The following RUSC2 variants were observed in gnomAD, a reference collection of about 807,000 sequenced individuals.
RUSC2 encodes RUN and SH3 domain containing 2.
A neutral mutation model predicts 122.2 loss-of-function variants in RUSC2; 34 were observed. That is an observed-to-expected ratio of 0.28 (90% CI 0.21 to 0.37). The LOEUF (loss-of-function observed/expected upper bound fraction) is 0.37. Ranked by LOEUF, RUSC2 falls within the 10% of genes least tolerant of loss-of-function variation. The probability of loss-of-function intolerance (pLI) is 1.00; values close to 1 mark genes in which losing one functional copy is unlikely to be tolerated. For synonymous variants in RUSC2, 784 were observed against 790.0 expected, an observed-to-expected ratio of 0.99 and a Z score of 0.13; for missense variants, 1,747 against 1,952.4, an observed-to-expected ratio of 0.89 and a Z score of 1.98.
In RUSC2 at chr9:35,547,567, A is replaced by G. The variant is rs761669923; in HGVS notation, c.1046A>G (p.Tyr349Cys). 1 of 1,614,176 alleles carries G rather than the reference A, an allele frequency of 6.2e-7. No homozygotes were observed. The highest frequency in any genetic ancestry group is 1.7e-5 in the Admixed American group (1 of 60,022). Residue 349 changes from tyrosine (Y) to cysteine (C), a missense_variant, in exon 2 of 12, where the codon TAT becomes TGT. Transcript: ENST00000361226. This position sits in a 1 kb window ranked among gnomAD's most constrained non-coding sequence, Gnocchi z 4.6. ...GAAAGTGGAGGAAGGGAAGGGGGCTATGGTTGCCCTCATGCCTCTTCTCCT... is the reference window on the plus strand; with the variant it reads ...GAAAGTGGAGGAAGGGAAGGGGGCTGTGGTTGCCCTCATGCCTCTTCTCCT... ...HPESGGREGG[Y>C]GCPHASSPEL...
At chr9:35,502,902 C>T (rs1369122604) in intron 1 of RUSC2, among the ~76,000 whole-genome samples, 2 of 151,720 alleles carry the variant, frequency 1.3e-5, no homozygotes, top group Non-Finnish European at 2.9e-5. Context: ...CTCTTGCTGC[C>T]CAGTCTGAAG....
At position 35,529,624 on chromosome 9, in the gene RUSC2, T is replaced by C. The variant is rs184712966; in HGVS notation, c.-92-16806T>C. On this transcript the variant is annotated intron_variant, in intron 1 of 11. Transcript: ENST00000361226. ...CACGTAAACCTATTGACACACTAGA[T>C]GTGACAGTCAGGCTGGCACTTTGCA... Among the ~76,000 whole-genome samples, 44 of 151,304 alleles carry C rather than the reference T, an allele frequency of 2.9e-4. No individual in the cohort carries two copies. The East Asian group carries it at 7.9e-3, about 27-fold the overall frequency.
At chr9:35,538,418 G>A (rs1733616493) in intron 1 of RUSC2, among the ~76,000 whole-genome samples, 1 of 152,154 alleles carries the variant, frequency 6.6e-6, no homozygotes, top group South Asian at 2.1e-4. Context: ...AATGGTGACT[G>A]GTCCCTGCAG....
At position 35,557,452 on chromosome 9, in the gene RUSC2, C is replaced by T. The variant is rs1200220967; in HGVS notation, c.2984-462C>T. Reference sequence around the variant, plus strand: ...GGAACTCTGTTCTCTGAAGCAGAACCAAGGGCTTGAGAGGAGGGGTGTCGA... The same window carrying T: ...GGAACTCTGTTCTCTGAAGCAGAACTAAGGGCTTGAGAGGAGGGGTGTCGA... On this transcript the variant is annotated intron_variant, in intron 5 of 11. Transcript: ENST00000361226. The surrounding 1 kb of genome is among the most constrained non-coding windows in gnomAD (Gnocchi z 4.6). 6.6e-6 allele frequency among the ~76,000 whole-genome samples: 1 copy of T among 152,048 alleles called. No homozygotes were observed. Among genetic ancestry groups the T allele is most frequent in the African/African-American group, 2.4e-5 (1 of 41,376 alleles).
chr9:35,528,510 C>CCTTTT (rs1564254357), intron 1 of RUSC2, among the ~76,000 whole-genome samples: 1 of 145,404 alleles, frequency 6.9e-6, no homozygotes, highest in African/African-American at 2.5e-5. Context: ...GATTTGATAC[C>CCTTTT]TTTTTTTTTT....
At position 35,548,108 on chromosome 9, in the gene RUSC2, A is replaced by G; in HGVS notation, c.1587A>G (p.Ala529=). 1 of 1,613,236 alleles carries G rather than the reference A, an allele frequency of 6.2e-7. No individual in the cohort carries two copies. The highest frequency in any genetic ancestry group is 8.5e-7 in the Non-Finnish European group (1 of 1,180,016). The change falls in exon 2 of 12, where the codon GCA becomes GCG. Residue 529 remains alanine, a synonymous_variant. Transcript: ENST00000361226. This position sits in a 1 kb window ranked among gnomAD's most constrained non-coding sequence, Gnocchi z 4.5. ...CAGTGCGCTTGAGTGAGGGCCCTGC[A>G]GCCATGGCCGGGCCTGGCTCCCCAC... is the stretch of plus-strand genomic sequence containing the variant. ...SCPVRLSEGP[A]AMAGPGSPPR...
chr9:35,513,953 T>C (rs1821058664), intron 1 of RUSC2, among the ~76,000 whole-genome samples: 1 of 147,180 alleles, frequency 6.8e-6, no homozygotes, highest in Admixed American at 6.8e-5. Context: ...TTTATGTGTC[T>C]TTATAATGTT....
intron 1 of RUSC2, among the ~76,000 whole-genome samples, chr9:35,543,965 T>C (rs1451820542): frequency 1.3e-5 from 2 of 152,242 alleles, no homozygotes; most frequent in Non-Finnish European, 1.5e-5. Context: ...CTTGGGTATA[T>C]ACCCAGGAGT....
Position 35,545,474 on chromosome 9 carries a change from A to G in RUSC2, c.-92-956A>G, listed in dbSNP as rs1267952669. On this transcript the variant is annotated intron_variant, in intron 1 of 11. Coordinates refer to ENST00000361226, the MANE Select transcript of RUSC2 (RefSeq NM_014806.5). The stretch of plus-strand genomic sequence containing the variant: ...TCAGGATGGGTTCTGTGTCCTTGGC[A>G]CCAGGAGACCTTGAACAAGAGAGAA... Among the ~76,000 whole-genome samples, 7 of 152,214 alleles carry G rather than the reference A, an allele frequency of 4.6e-5. No homozygotes were observed. In the East Asian group the frequency reaches 1.3e-3, roughly 29 times the overall value.
rs1822143196 is a variant in RUSC2, at chr9:35,560,853, T to TGAGA, written c.4211+4_4211+7dup. On this transcript the variant is annotated splice_region_variant and intron_variant, in intron 10 of 11. Transcript: ENST00000361226. ...GCGGGAGGCCCGGCCCACAAATAGG[T>TGAGA]GAGAGCCTGCCCATGGTAGGGATGG... The TGAGA allele has an allele frequency of 1.3e-6, 2 of 1,544,022 alleles. No individual in the cohort carries two copies. The highest frequency in any genetic ancestry group is 2.3e-5 in the East Asian group (1 of 44,330).
chr9:35,540,821 G>A (rs1224301847), intron 1 of RUSC2, among the ~76,000 whole-genome samples: 1 of 152,172 alleles, frequency 6.6e-6, no homozygotes, highest in Admixed American at 6.5e-5. Flanking sequence ...TCTTTGGAAG[G>A]CCGTTGTAGT....
chr9:35,532,315 A>G (rs1279114963), intron 1 of RUSC2, among the ~76,000 whole-genome samples: 3 of 152,248 alleles, frequency 2.0e-5, no homozygotes, highest in Admixed American at 1.3e-4. Flanking sequence ...GGGAAGTACT[A>G]AAGACTGTTC....
rs530754048 is a variant in RUSC2, at chr9:35,555,551, G to A, written c.2506G>A (p.Glu836Lys). Reference protein sequence around the residue: ...RPATSQQPQKEDQKILTLTEY... With the variant: ...RPATSQQPQKKDQKILTLTEY... ...TGCCACCTCCCAGCAGCCGCAGAAGGAGGATCAGAAGATACTGACCTTGAC... is the reference window on the plus strand; with the variant it reads ...TGCCACCTCCCAGCAGCCGCAGAAGAAGGATCAGAAGATACTGACCTTGAC... The change falls in exon 3 of 12, where the codon GAG becomes AAG. Residue 836 changes from glutamate to lysine, a missense_variant. Coordinates refer to ENST00000361226, the MANE Select transcript of RUSC2 (RefSeq NM_014806.5). The surrounding 1 kb of genome is among the most constrained non-coding windows in gnomAD (Gnocchi z 4.6). 14 of 1,614,148 alleles carry A rather than the reference G, an allele frequency of 8.7e-6. No individual in the cohort carries two copies. The South Asian group carries it at 1.5e-4, about 18-fold the overall frequency.
At chr9:35,554,039 A>T (rs528023897) in intron 2 of RUSC2, among the ~76,000 whole-genome samples, 16 of 152,312 alleles carry the variant, frequency 1.1e-4, no homozygotes, top group African/African-American at 3.6e-4. Context: ...ATTTCCTAAT[A>T]TGTCAAGTAA....
chr9:35,535,867 T>A (rs2132536509), intron 1 of RUSC2, among the ~76,000 whole-genome samples: 1 of 152,264 alleles, frequency 6.6e-6, no homozygotes, highest in South Asian at 2.1e-4. Context: ...TTATTCTTGT[T>A]CAACAAGACT....
intron 9 of RUSC2, among the ~76,000 whole-genome samples, chr9:35,559,484 C>CA (rs1822094671): frequency 6.6e-6 from 1 of 152,196 alleles, no homozygotes; most frequent in African/African-American, 2.4e-5. Context: ...CCTGTAATCC[C>CA]AGCACTTTGG....
chr9:35,545,358 T>A (rs1383856411), intron 1 of RUSC2, among the ~76,000 whole-genome samples: 1 of 152,220 alleles, frequency 6.6e-6, no homozygotes, highest in Admixed American at 6.5e-5. Flanking sequence ...TCGAAGGGAA[T>A]GAAGACTGTT....
In RUSC2 at chr9:35,490,116, ACGCCGCCGC is replaced by A. The variant is rs139160591; in HGVS notation, c.-134_-126del. 0.2 allele frequency: 31,525 copies of A among 154,340 alleles called. 3,377 individuals carry two copies. The highest frequency in any genetic ancestry group is 0.24 in the South Asian group (1,361 of 5,566). 9.6% of individuals were successfully genotyped at this position (154,340 alleles called of 1,614,324 possible). A position where few individuals can be genotyped will look rare whatever the true frequency, so the allele number is the denominator to read the frequency against. On this transcript the variant is annotated 5_prime_UTR_variant, in exon 1 of 12. Transcript: ENST00000361226. ...CAACGCGACCCCTGGAGGGCGAGAC[ACGCCGCCGC>A]CGCCGCCGCCGCCGGCGCGGAAGGA... is the stretch of plus-strand genomic sequence containing the variant.
At chr9:35,501,583 A>G (rs1295772584) in intron 1 of RUSC2, among the ~76,000 whole-genome samples, 2 of 152,176 alleles carry the variant, frequency 1.3e-5, no homozygotes, top group Non-Finnish European at 2.9e-5. Flanking sequence ...TCTCAAAAGA[A>G]ATGTCACTGA....
Sources: allele counts gnomAD v4.1 joint callset (sites outside exome capture counted in the v4.1 genomes callset), GRCh38; gene constraint gnomAD v4.1.1; non-coding constraint Gnocchi (gnomAD v3.1); transcripts MANE v1.5; gene names NCBI Gene and HGNC (gene_info 2026-07-23, HGNC 2026-07-21).